The following WTIP variants were observed in gnomAD, a reference collection of about 807,000 sequenced individuals.
The protein encoded by WTIP is WT1 interacting protein.
WTIP carries 23 observed loss-of-function variants against 41.7 expected under a neutral mutation model. The observed-to-expected ratio is 0.55, with a 90% CI of 0.40 to 0.78. The LOEUF (loss-of-function observed/expected upper bound fraction) is 0.78, where lower values mean the gene tolerates loss of function less well. Ranked by LOEUF, WTIP falls within the 30% of genes least tolerant of loss-of-function variation. The pLI is 0.00. For synonymous variants in WTIP, 314 were observed against 269.9 expected, an observed-to-expected ratio of 1.16 and a Z score of -1.60; for missense variants, 619 against 610.5, an observed-to-expected ratio of 1.01 and a Z score of -0.15.
intron 1 of WTIP, 105 bp downstream of exon 1, chr19:34,482,746 G>C: frequency 8.3e-7 from 1 of 1,200,768 alleles, no homozygotes. Flanking sequence ...GCACGGGGCT[G>C]GCTGGGGGTG....
At chr19:34,488,345 A>G (rs1211787438) in intron 1 of WTIP, among the ~76,000 whole-genome samples, 1 of 151,852 alleles carries the variant, frequency 6.6e-6, no homozygotes, top group African/African-American at 2.4e-5. Context: ...AAGTGCTGAG[A>G]TTACAGGCGT....
rs377394440 is a variant in WTIP at position 34,493,584 on chromosome 19, C to T, written c.993C>T (p.Asp331=). ...TGGACGGGGTTCCCTTCACCGTGGA[C>T]GTGGAGAACAACATCTACTGCGTGC... is the stretch of plus-strand genomic sequence containing the variant. ...ECLDGVPFTV[D]VENNIYCVRD... The change falls in exon 5 of 8, where the codon GAC becomes GAT. Residue 331 remains aspartate, a synonymous_variant. Coordinates refer to ENST00000590071, the MANE Select transcript of WTIP (RefSeq NM_001080436.2). This position sits in a 1 kb window ranked among gnomAD's most constrained non-coding sequence, Gnocchi z 4.1. 3.8e-4 allele frequency: 621 copies of T among 1,613,636 alleles called. 3 individuals carry two copies. Among genetic ancestry groups the T allele is most frequent in the South Asian group, 3.8e-3 (349 of 91,084 alleles).
intron 7 of WTIP, among the ~76,000 whole-genome samples, chr19:34,499,735 T>C (rs1001837058): frequency 4.0e-5 from 6 of 151,658 alleles, no homozygotes; most frequent in Non-Finnish European, 7.4e-5. Flanking sequence ...GTTTCGCTGT[T>C]GTCACCCAGG....
In WTIP at chr19:34,508,860, G is replaced by C. The variant is rs2075923247; in HGVS notation, c.*8591G>C. Reference sequence around the variant, plus strand: ...TGACGGTGGTGTATAAACATTTTCTGTGCAAGGACCTTGCCCTCCTTTTCA... The same window carrying C: ...TGACGGTGGTGTATAAACATTTTCTCTGCAAGGACCTTGCCCTCCTTTTCA... On this transcript the variant is annotated 3_prime_UTR_variant, in exon 8 of 8. Transcript: ENST00000590071. The C allele has an allele frequency of 1.3e-5, 2 of 152,184 alleles. No homozygotes were observed. Among genetic ancestry groups the C allele is most frequent in the African/African-American group, 4.8e-5 (2 of 41,438 alleles). The allele number at this position is 152,184 out of a possible 1,614,324, so 9.4% of individuals were successfully genotyped here. A position where few individuals can be genotyped will look rare whatever the true frequency, so the allele number is the denominator to read the frequency against.
At chr19:34,500,107 T>TG (rs1234351013) in intron 7 of WTIP, 22 bp from the exon 8 acceptor site, 1 of 1,597,486 alleles carries the variant, frequency 6.3e-7, no homozygotes, top group Admixed American at 1.7e-5. Context: ...ACTCTGGGGC[T>TG]GGGGGCTGTG....
intron 6 of WTIP, 131 bp from the exon 7 acceptor site, chr19:34,495,572 G>A (rs934542067): frequency 2.7e-5 from 25 of 925,910 alleles, no homozygotes; most frequent in Middle Eastern, 2.1e-4. Context: ...CAGAAGCAGC[G>A]TGGCAGTGCT....
intron 1 of WTIP, among the ~76,000 whole-genome samples, chr19:34,484,424 G>C (rs1229544839): frequency 1.3e-5 from 2 of 152,126 alleles, no homozygotes; most frequent in African/African-American, 4.8e-5. Context: ...TTGGGATGGA[G>C]AGCGCCTCCC....
At chr19:34,488,499 G>A (rs2075809034) in intron 1 of WTIP, among the ~76,000 whole-genome samples, 1 of 152,050 alleles carries the variant, frequency 6.6e-6, no homozygotes, top group Non-Finnish European at 1.5e-5. Context: ...CTGAGTAACT[G>A]GGACCACAGG....
rs753190020 is a variant in WTIP at position 34,493,251 on chromosome 19, G to GTCC, written c.838-11_838-9dup. The GTCC allele has an allele frequency of 1.9e-6, 3 of 1,613,644 alleles. No homozygotes were observed. Among genetic ancestry groups the GTCC allele is most frequent in the Admixed American group, 3.3e-5 (2 of 59,980 alleles). On this transcript the variant is annotated splice_polypyrimidine_tract_variant and intron_variant, in intron 3 of 7. Transcript: ENST00000590071. This position sits in a 1 kb window ranked among gnomAD's most constrained non-coding sequence, Gnocchi z 4.1. ...TGTCACACAATGTCCTGGATCCTGT[G>GTCC]TCCCCTCCCAGTACTCCGGGTTCCA... is the stretch of plus-strand genomic sequence containing the variant.
rs753012261 is a variant in WTIP, at chr19:34,493,365, G to C, written c.900+40G>C. The C allele has an allele frequency of 6.2e-7, 1 of 1,602,022 alleles. No individual in the cohort carries two copies. Among genetic ancestry groups the C allele is most frequent in the Non-Finnish European group, 8.5e-7 (1 of 1,174,538 alleles). ...CAGCCTCCTGGAGCCCCTCTGACGT[G>C]GGTGGAGTCTGAGGACTCTACCGTC... On this transcript the variant is annotated intron_variant, in intron 4 of 7. Coordinates refer to ENST00000590071, the MANE Select transcript of WTIP (RefSeq NM_001080436.2). The surrounding 1 kb of genome is among the most constrained non-coding windows in gnomAD (Gnocchi z 4.1).
chr19:34,483,403 C>A (rs1599950534), intron 1 of WTIP, among the ~76,000 whole-genome samples: 1 of 152,084 alleles, frequency 6.6e-6, no homozygotes, highest in Non-Finnish European at 1.5e-5. Flanking sequence ...AGGGGTGCTT[C>A]CCCGTCTGCC....
chr19:34,484,101 A>G (rs924194049), intron 1 of WTIP, among the ~76,000 whole-genome samples: 7 of 151,382 alleles, frequency 4.6e-5, no homozygotes, highest in Non-Finnish European at 7.4e-5. Context: ...TAATTTTTGT[A>G]TTTTTAGTAG....
intron 1 of WTIP, among the ~76,000 whole-genome samples, chr19:34,489,215 A>AAAAT (rs2075813330): frequency 6.6e-6 from 1 of 150,944 alleles, no homozygotes; most frequent in Non-Finnish European, 1.5e-5. Context: ...AAAAAAAAAA[A>AAAAT]AAAAAATCCT....
intron 1 of WTIP, among the ~76,000 whole-genome samples, chr19:34,488,804 G>A (rs996598641): frequency 9.2e-5 from 14 of 151,518 alleles, no homozygotes; most frequent in East Asian, 2.0e-4. Context: ...TTGGGAGGCC[G>A]AGGTGGGAGG....
chr19:34,497,024 G>A lies in WTIP; in HGVS notation c.1152+1253G>A, dbSNP rs376206391. On this transcript the variant is annotated intron_variant, in intron 7 of 7. Coordinates refer to ENST00000590071, the MANE Select transcript of WTIP (RefSeq NM_001080436.2). ...ACTACAGGCACCCACCACCACACCC[G>A]GCTAGTTTTTGTGTTTTTAGTAGTG... 9.2e-5 allele frequency among the ~76,000 whole-genome samples: 14 copies of A among 152,148 alleles called. No individual in the cohort carries two copies. The South Asian group carries it at 1.9e-3, about 20-fold the overall frequency.
At chr19:34,490,261 A>G (rs1265267175) in intron 1 of WTIP, 115 bp from the exon 2 acceptor site, 3 of 899,698 alleles carry the variant, frequency 3.3e-6, no homozygotes, top group African/African-American at 3.3e-5. Flanking sequence ...ATGTTGGCCT[A>G]GGAAAGTTAG....
Position 34,482,328 on chromosome 19 carries a change from C to A in WTIP, c.354C>A (p.His118Gln). ...TCAGCCTGGGCTACGACCAGCGCCA[C>A]GGCAGCCCGCGCTCCGGTCGCTCGG... ...SGISLGYDQR[H>Q]GSPRSGRSDP... The change falls in exon 1 of 8, where the codon CAC becomes CAA. Residue 118 changes from histidine (H) to glutamine (Q), a missense_variant. Coordinates refer to ENST00000590071, the MANE Select transcript of WTIP (RefSeq NM_001080436.2). The A allele has an allele frequency of 7.2e-7, 1 of 1,385,226 alleles. No homozygotes were observed. Among genetic ancestry groups the A allele is most frequent in the Non-Finnish European group, 9.4e-7 (1 of 1,063,690 alleles). The allele number at this position is 1,385,226 out of a possible 1,614,324, so 85.8% of individuals were successfully genotyped here.
intron 6 of WTIP, 109 bp downstream of exon 6, chr19:34,494,746 G>C: frequency 5.4e-6 from 6 of 1,114,280 alleles, no homozygotes; most frequent in Non-Finnish European, 6.4e-6. Flanking sequence ...GGATGAGCAG[G>C]TGCTTCTCCG....
At chr19:34,495,813 T>G (rs370214977) in intron 7 of WTIP, 42 bp downstream of exon 7, 62 of 1,599,988 alleles carry the variant, frequency 3.9e-5, no homozygotes, top group Non-Finnish European at 4.9e-5. Flanking sequence ...GGGGCAGGCC[T>G]CCTCCCACAG....
Sources: gnomAD v4.1 joint callset for allele counts (sites outside exome capture counted in the v4.1 genomes callset) on GRCh38, gnomAD v4.1.1 for gene constraint, Gnocchi (gnomAD v3.1) non-coding constraint, MANE v1.5 for transcripts, NCBI Gene and HGNC (gene_info 2026-07-23, HGNC 2026-07-21) for gene names.